Variants in TENM2 observed in about 807,000 individuals in gnomAD.
The protein encoded by TENM2 is teneurin-2.
TENM2 carries 52 observed loss-of-function variants against 245.2 expected under a neutral mutation model. The observed-to-expected ratio is 0.21, with a 90% CI of 0.17 to 0.27. The LOEUF (loss-of-function observed/expected upper bound fraction) is 0.27, where lower values mean the gene tolerates loss of function less well. Among genes scored for constraint, TENM2 ranks in the 10% least tolerant of loss-of-function variants. The probability of loss-of-function intolerance (pLI) is 1.00; values close to 1 mark genes in which losing one functional copy is unlikely to be tolerated. For missense variants in TENM2, 3,046 were observed against 3,666.8 expected (o/e 0.83, Z 4.37); for synonymous variants, 1,363 against 1,438.9 (o/e 0.95, Z 1.19).
chr5:167,468,581 G>A (rs969764657), intron 2 of TENM2, among the ~76,000 whole-genome samples: 5 of 152,276 alleles, frequency 3.3e-5, no homozygotes, highest in African/African-American at 1.2e-4. Flanking sequence ...GTCTTAGAAA[G>A]GGGAAACCAA....
At chr5:168,095,056 C>A (rs893541311) in intron 8 of TENM2, among the ~76,000 whole-genome samples, 1 of 151,674 alleles carries the variant, frequency 6.6e-6, no homozygotes, top group South Asian at 2.1e-4. Context: ...AAGCTCAGGG[C>A]GCCCACTGAT....
chr5:166,997,110 A>G, the TENM2 span, among the ~76,000 whole-genome samples: 1 of 152,236 alleles, frequency 6.6e-6, no homozygotes, highest in Admixed American at 6.5e-5. Flanking sequence ...ATGATATATC[A>G]GAAGCCACAC....
At chr5:167,822,323 C>T (rs996607620) in intron 2 of TENM2, among the ~76,000 whole-genome samples, 5 of 152,050 alleles carry the variant, frequency 3.3e-5, no homozygotes, top group African/African-American at 4.8e-5. Flanking sequence ...AAAACTGGGT[C>T]GCTTGTTAGT....
chr5:167,422,131 T>C (rs1333111136), intron 2 of TENM2, among the ~76,000 whole-genome samples: 1 of 152,192 alleles, frequency 6.6e-6, no homozygotes, highest in African/African-American at 2.4e-5. Context: ...TCTCCATTAA[T>C]AGGATATATT....
chr5:167,084,470 A>G, the TENM2 span, among the ~76,000 whole-genome samples: 1 of 150,252 alleles, frequency 6.7e-6, no homozygotes, highest in Non-Finnish European at 1.5e-5. Context: ...CAATAATAAT[A>G]CATTCTGGAA....
chr5:167,310,737 A>C (rs1201735615), intron 1 of TENM2, among the ~76,000 whole-genome samples: 1 of 152,236 alleles, frequency 6.6e-6, no homozygotes, highest in African/African-American at 2.4e-5. Context: ...GATATACACC[A>C]GGCTTGGTTG....
At chr5:167,962,903 G>T (rs150466834) in intron 4 of TENM2, among the ~76,000 whole-genome samples, 3 of 152,082 alleles carry the variant, frequency 2.0e-5, no homozygotes, top group Non-Finnish European at 2.9e-5. Context: ...CAACCAAACC[G>T]CATTGTTATT....
chr5:167,969,515 A>G (rs1392656413), intron 4 of TENM2, among the ~76,000 whole-genome samples: 1 of 152,204 alleles, frequency 6.6e-6, no homozygotes, highest in Non-Finnish European at 1.5e-5. Context: ...GAACAGACCA[A>G]TACAGATGTT....
intron 3 of TENM2, among the ~76,000 whole-genome samples, chr5:167,918,919 ATAGC>A (rs1462893560): frequency 2.0e-5 from 3 of 152,138 alleles, no homozygotes; most frequent in Middle Eastern, 3.2e-3. Context: ...AATTTCTGCA[ATAGC>A]GAGTTAATTC....
Position 167,466,497 on chromosome 5 carries a change from C to T in TENM2, c.502+91024C>T, listed in dbSNP as rs533879120. Among the ~76,000 whole-genome samples, 80 of 152,298 alleles carry T rather than the reference C, an allele frequency of 5.3e-4. 1 individual carries two copies. The highest frequency in any genetic ancestry group is 4.3e-3 in the South Asian group (21 of 4,830). ...ACAAATTTATGTGTGCTACTGTTTTCGAGGTTTCTCATTCATTGCAATTAT... is the reference window on the plus strand; with the variant it reads ...ACAAATTTATGTGTGCTACTGTTTTTGAGGTTTCTCATTCATTGCAATTAT... On this transcript the variant is annotated intron_variant, in intron 2 of 28. Coordinates refer to ENST00000518659, the Ensembl canonical transcript of TENM2.
chr5:168,212,841 T>C (rs1023214510), intron 20 of TENM2, among the ~76,000 whole-genome samples: 8 of 152,196 alleles, frequency 5.3e-5, no homozygotes, highest in Non-Finnish European at 1.0e-4. Context: ...CGTGAGTTTC[T>C]CTGCAAGCAT....
intron 3 of TENM2, among the ~76,000 whole-genome samples, chr5:167,939,579 T>A (rs1411841357): frequency 6.6e-6 from 1 of 152,198 alleles, no homozygotes; most frequent in Non-Finnish European, 1.5e-5. Context: ...TTTCAATATA[T>A]AACGTGTTGA....
rs74341756 is a variant in TENM2, at chr5:167,399,112, G to A, written c.502+23639G>A. Among the ~76,000 whole-genome samples the A allele has an allele frequency of 2.1e-3, 325 of 152,216 alleles. 2 individuals carry two copies. The highest frequency in any genetic ancestry group is 7.4e-3 in the African/African-American group (306 of 41,534). The stretch of plus-strand genomic sequence containing the variant: ...CTTTTTCTGGGAACCTGTCACAAGC[G>A]GGAGTTCTGCCTCGTATATCAAAAA... On this transcript the variant is annotated intron_variant, in intron 2 of 28. Coordinates refer to ENST00000518659, the Ensembl canonical transcript of TENM2.
intron 2 of TENM2, among the ~76,000 whole-genome samples, chr5:167,558,526 T>TCAG (rs1401961352): frequency 6.6e-6 from 1 of 152,144 alleles, no homozygotes; most frequent in African/African-American, 2.4e-5. Context: ...TCCTGTCAGA[T>TCAG]CAGCAGCAGC....
rs532326935 is a variant in TENM2, at chr5:167,978,818, T to C, written c.948-14126T>C. 3.9e-5 allele frequency among the ~76,000 whole-genome samples: 6 copies of C among 152,288 alleles called. No homozygotes were observed. In the South Asian group the frequency reaches 1.2e-3, roughly 32 times the overall value. On this transcript the variant is annotated intron_variant, in intron 4 of 28. Coordinates refer to ENST00000518659, the Ensembl canonical transcript of TENM2. The stretch of plus-strand genomic sequence containing the variant: ...TGAATTTTACCTCAACTTTTATAAA[T>C]AAATTAATTAATTAGAGAAAATAGC...
chr5:167,118,782 T>C, the TENM2 span, among the ~76,000 whole-genome samples: 1 of 152,178 alleles, frequency 6.6e-6, no homozygotes, highest in Non-Finnish European at 1.5e-5. Context: ...GCAAGGGTAG[T>C]ACGGAGTTCT....
chr5:168,221,053 A>G (rs1374563947), intron 23 of TENM2, among the ~76,000 whole-genome samples: 2 of 151,954 alleles, frequency 1.3e-5, no homozygotes, highest in Non-Finnish European at 2.9e-5. Flanking sequence ...TGGAGGTTGC[A>G]GTGAGTTGAG....
chr5:167,880,032 T>C (rs1316641187), intron 3 of TENM2, among the ~76,000 whole-genome samples: 1 of 152,160 alleles, frequency 6.6e-6, no homozygotes, highest in Non-Finnish European at 1.5e-5. Flanking sequence ...TGTAACAGCT[T>C]ATAAAAATCG....
chr5:167,798,011 TAAG>T (rs1765442866), intron 2 of TENM2, among the ~76,000 whole-genome samples: 3 of 152,226 alleles, frequency 2.0e-5, no homozygotes, highest in Admixed American at 2.0e-4. Context: ...GAAATTTTAG[TAAG>T]TGATTATTAA....
Sources: gnomAD v4.1 joint callset for allele counts (sites outside exome capture counted in the v4.1 genomes callset) on GRCh38, gnomAD v4.1.1 for gene constraint, MANE v1.5 for transcripts, NCBI Gene and HGNC (gene_info 2026-07-23, HGNC 2026-07-21) for gene names.